SERPINF2: variants seen among roughly 807,000 people sequenced by gnomAD.
The protein encoded by SERPINF2 is serpin family F member 2.
SERPINF2 carries 15 observed loss-of-function variants against 45.0 expected under a neutral mutation model. That is an observed-to-expected ratio of 0.33 (90% CI 0.22 to 0.51). SERPINF2 has a LOEUF of 0.51. Ranked by LOEUF, SERPINF2 falls within the 20% of genes least tolerant of loss-of-function variation. SERPINF2 has a pLI of 0.97. For synonymous variants in SERPINF2, 283 were observed against 277.9 expected, an observed-to-expected ratio of 1.02 and a Z score of -0.18; for missense variants, 518 against 637.4, an observed-to-expected ratio of 0.81 and a Z score of 2.02.
At position 1,754,582 on chromosome 17, in the gene SERPINF2, C is replaced by T; in HGVS notation, c.*48C>T. ...GAGTCCCTGCCTGGACCAGCCTCTC[C>T]ACTCATGTGACTCTTTCCAACCGGC... On this transcript the variant is annotated 3_prime_UTR_variant, in exon 10 of 10. Transcript: ENST00000453066. 1.3e-6 allele frequency: 2 copies of T among 1,586,014 alleles called. No homozygotes were observed. Among genetic ancestry groups the T allele is most frequent in the South Asian group, 1.1e-5 (1 of 88,700 alleles).
intron 8 of SERPINF2, 125 bp from the exon 9 acceptor site, chr17:1,752,461 G>A (rs1268650090): frequency 4.9e-6 from 4 of 818,742 alleles, no homozygotes; most frequent in Non-Finnish European, 8.5e-6. Context: ...GAGCAGTGGG[G>A]TCAGTCACAC....
chr17:1,751,695 G>A (rs1457936356), intron 8 of SERPINF2, among the ~76,000 whole-genome samples: 4 of 136,386 alleles, frequency 2.9e-5, no homozygotes, highest in Non-Finnish European at 6.6e-5. Flanking sequence ...CGGAGGTTGC[G>A]GTGAGCCGAG....
rs7503952 is a variant in SERPINF2 at position 1,745,965 on chromosome 17, G to C, written c.367+56G>C. On this transcript the variant is annotated intron_variant, in intron 5 of 9. Coordinates refer to ENST00000453066, the MANE Select transcript of SERPINF2 (RefSeq NM_000934.4). The surrounding 1 kb of genome is among the most constrained non-coding windows in gnomAD (Gnocchi z 6.2). The stretch of plus-strand genomic sequence containing the variant: ...GAGCTGGGAGGCCAGTAGGAACTCA[G>C]TACTCCAATGGTTCTCCGCGGGCGG... 0.23 allele frequency: 361,819 copies of C among 1,581,698 alleles called. 43,192 individuals are homozygous for C. The highest frequency in any genetic ancestry group is 0.38 in the South Asian group (34,679 of 90,496).
intron 1 of SERPINF2, among the ~76,000 whole-genome samples, chr17:1,744,184 C>T (rs1030681294): frequency 6.6e-6 from 1 of 151,248 alleles, no homozygotes; most frequent in Admixed American, 6.6e-5. Flanking sequence ...GCTTGAGCCA[C>T]CGTGCCTGGC....
At chr17:1,746,317 A>C (rs1905822954) in intron 5 of SERPINF2, among the ~76,000 whole-genome samples, 1 of 151,918 alleles carries the variant, frequency 6.6e-6, no homozygotes, top group Non-Finnish European at 1.5e-5. Context: ...ATTCCGTCTC[A>C]AACAACAACA....
chr17:1,750,787 C>G (rs575505964), intron 8 of SERPINF2, among the ~76,000 whole-genome samples: 7 of 152,292 alleles, frequency 4.6e-5, no homozygotes, highest in African/African-American at 1.7e-4. Flanking sequence ...GCCACTTGGG[C>G]AGCCCTCCTG....
In SERPINF2 at chr17:1,754,694, G is replaced by GCCCCCC; in HGVS notation, c.*160_*161insCCCCCC. The GCCCCCC allele has an allele frequency of 2.4e-6, 1 of 412,572 alleles. No individual in the cohort carries two copies. The highest frequency in any genetic ancestry group is 2.2e-5 in the African/African-American group (1 of 45,274). The allele number at this position is 412,572 out of a possible 1,614,324, so 25.6% of individuals were successfully genotyped here. On this transcript the variant is annotated 3_prime_UTR_variant, in exon 10 of 10. Transcript: ENST00000453066. ...CTTGGGGAGTTTAGGGTGGGGGGGG[G>GCCCCCC]GCGCGGCTGGGAGGAGGGCAGGCAT...
chr17:1,752,395 T>G (rs1293681478), intron 8 of SERPINF2, among the ~76,000 whole-genome samples, 191 bp from the exon 9 acceptor site: 2 of 152,086 alleles, frequency 1.3e-5, no homozygotes, highest in East Asian at 3.9e-4. Context: ...TTCGGTTACG[T>G]GTCCGCCTGC....
At chr17:1,747,285 A>G (rs1489907680) in intron 6 of SERPINF2, 24 bp from the exon 7 acceptor site, 1 of 1,613,066 alleles carries the variant, frequency 6.2e-7, no homozygotes, top group Non-Finnish European at 8.5e-7. Context: ...AGCCCTGGGA[A>G]CAGCTTGTGC....
rs1262214812 is a variant in SERPINF2, at chr17:1,745,803, G to T, written c.261G>T (p.Met87Ile). The part of the protein sequence containing the change: ...EQTHRLARAM[M>I]AFTADLFSLV... ...CCCACAGGCTGGCCCGGGCCATGAT[G>T]GCCTTCACTGCCGACCTGTTCTCCC... is the stretch of plus-strand genomic sequence containing the variant. Residue 87 changes from methionine (M) to isoleucine (I), a missense_variant, in exon 5 of 10, where the codon ATG (methionine) becomes ATT (isoleucine). This residue lies in a region of SERPINF2 where 435 missense variants were observed against 577.3 expected (regional missense o/e 0.75). Transcript: ENST00000453066. The surrounding 1 kb of genome is among the most constrained non-coding windows in gnomAD (Gnocchi z 6.2). The T allele has an allele frequency of 2.5e-6, 4 of 1,613,880 alleles. No homozygotes were observed. Among genetic ancestry groups the T allele is most frequent in the African/African-American group, 1.3e-5 (1 of 74,900 alleles).
rs191206113 is a variant in SERPINF2 at position 1,752,307 on chromosome 17, C to T, written c.859-279C>T. On this transcript the variant is annotated intron_variant, in intron 8 of 9. Coordinates refer to ENST00000453066, the MANE Select transcript of SERPINF2 (RefSeq NM_000934.4). ...CTGACCTCAGGTGATCTGCCTGCCTCGGCCTCCCAAAGTGCTAGGATTACA... is the reference window on the plus strand; with the variant it reads ...CTGACCTCAGGTGATCTGCCTGCCTTGGCCTCCCAAAGTGCTAGGATTACA... 3.6e-3 allele frequency among the ~76,000 whole-genome samples: 548 copies of T among 152,244 alleles called. 2 individuals are homozygous for T. Among genetic ancestry groups the T allele is most frequent in the African/African-American group, 0.013 (520 of 41,556 alleles).
At chr17:1,753,830 G>A (rs557210867) in intron 9 of SERPINF2, among the ~76,000 whole-genome samples, 5 of 152,332 alleles carry the variant, frequency 3.3e-5, no homozygotes, top group Admixed American at 1.3e-4. Context: ...GTGGGCAGAC[G>A]AGCAATCACA....
In SERPINF2 at chr17:1,754,127, C is replaced by A; in HGVS notation, c.1069C>A (p.Gln357Lys). ...LVATLSQLGL[Q>K]ELFQAPDLRG... ...CCATCTCTGGCCCTGGGCAGGCCTG[C>A]AGGAGTTGTTCCAGGCCCCAGACCT... Residue 357 changes from glutamine to lysine, a missense_variant, in exon 10 of 10, where the codon CAG becomes AAG. Coordinates refer to ENST00000453066, the MANE Select transcript of SERPINF2 (RefSeq NM_000934.4). The A allele has an allele frequency of 6.2e-7, 1 of 1,605,448 alleles. No homozygotes were observed. The highest frequency in any genetic ancestry group is 8.5e-7 in the Non-Finnish European group (1 of 1,179,964).
intron 8 of SERPINF2, among the ~76,000 whole-genome samples, chr17:1,751,121 G>T: frequency 6.6e-6 from 1 of 152,166 alleles, no homozygotes; most frequent in East Asian, 1.9e-4. Flanking sequence ...GCCCTGTGGT[G>T]TCCACACTGC....
At chr17:1,749,731 A>C (rs544518357) in intron 8 of SERPINF2, among the ~76,000 whole-genome samples, 2 of 152,182 alleles carry the variant, frequency 1.3e-5, no homozygotes, top group African/African-American at 4.8e-5. Context: ...GTAAGGGAGA[A>C]TTCTGTGAGG....
chr17:1,747,432 C>T lies in SERPINF2; in HGVS notation c.635C>T (p.Thr212Met). Reference sequence around the variant, plus strand: ...ATCAACCAATGGGTGAAGGAGGCCACGGAGGGGAAGATTCAGGAATTCCTC... The same window carrying T: ...ATCAACCAATGGGTGAAGGAGGCCATGGAGGGGAAGATTCAGGAATTCCTC... ...ANINQWVKEA[T>M]EGKIQEFLSG... Residue 212 changes from threonine (T) to methionine (M), a missense_variant, in exon 7 of 10, where the codon ACG (threonine) becomes ATG (methionine). Thr to Met is a moderately conservative substitution (Grantham distance 81). Coordinates refer to ENST00000453066, the MANE Select transcript of SERPINF2 (RefSeq NM_000934.4). The T allele has an allele frequency of 3.1e-6, 5 of 1,614,172 alleles. No homozygotes were observed. In the African/African-American group the frequency reaches 4.0e-5, roughly 13 times the overall value.
intron 1 of SERPINF2, among the ~76,000 whole-genome samples, chr17:1,743,656 A>C (rs943907040): frequency 7.0e-6 from 1 of 142,990 alleles, no homozygotes; most frequent in Non-Finnish European, 1.5e-5. Flanking sequence ...TGGAGGTTGC[A>C]GTGAGCCGAG....
intron 8 of SERPINF2, among the ~76,000 whole-genome samples, chr17:1,750,729 G>A (rs1282517147): frequency 6.6e-6 from 1 of 152,176 alleles, no homozygotes; most frequent in African/African-American, 2.4e-5. Flanking sequence ...AGCTTCCCAA[G>A]GCAAGTGTGA....
chr17:1,743,803 T>C (rs1905527605), intron 1 of SERPINF2, among the ~76,000 whole-genome samples: 1 of 150,996 alleles, frequency 6.6e-6, no homozygotes. Flanking sequence ...CGGTGGAGGC[T>C]TCAGGGCAGG....
Sources: gnomAD v4.1 joint callset for allele counts (sites outside exome capture counted in the v4.1 genomes callset) on GRCh38, gnomAD v4.1.1 for gene constraint, gnomAD v4.1.1 regional missense constraint, Gnocchi (gnomAD v3.1) non-coding constraint, MANE v1.5 for transcripts, NCBI Gene and HGNC (gene_info 2026-07-23, HGNC 2026-07-21) for gene names.